The following HS3ST4 variants were observed in gnomAD, a reference collection of about 807,000 sequenced individuals.
HS3ST4 encodes heparan sulfate glucosamine 3-O-sulfotransferase 4.
Under a neutral mutation model 29.2 loss-of-function variants are expected in HS3ST4, and 17 were observed. The observed-to-expected ratio is 0.58, with a 90% CI of 0.40 to 0.87. The LOEUF (loss-of-function observed/expected upper bound fraction) is 0.87. HS3ST4 is among the 40% of genes least tolerant of loss of function. The pLI is 0.00. For missense variants in HS3ST4, 627 were observed against 634.5 expected, an observed-to-expected ratio of 0.99 and a Z score of 0.13; for synonymous variants, 314 against 285.7, an observed-to-expected ratio of 1.10 and a Z score of -1.00.
intron 1 of HS3ST4, among the ~76,000 whole-genome samples, chr16:25,710,663 G>GT (rs1294430902): frequency 1.3e-5 from 2 of 151,680 alleles, no homozygotes; most frequent in Non-Finnish European, 2.9e-5. Flanking sequence ...TCTTTTCCTG[G>GT]TTTCTTGCTA....
intron 1 of HS3ST4, among the ~76,000 whole-genome samples, chr16:25,845,020 G>A (rs1967450065): frequency 6.6e-6 from 1 of 152,054 alleles, no homozygotes; most frequent in Admixed American, 6.6e-5. Flanking sequence ...ACACAGGGAG[G>A]GGAACATCAT....
At chr16:26,004,685 G>T (rs1374391833) in intron 1 of HS3ST4, among the ~76,000 whole-genome samples, 1 of 152,136 alleles carries the variant, frequency 6.6e-6, no homozygotes, top group Non-Finnish European at 1.5e-5. Flanking sequence ...GTCTTCACTG[G>T]GGCTCAGTTT....
At chr16:25,886,190 G>A (rs1034872131) in intron 1 of HS3ST4, among the ~76,000 whole-genome samples, 1 of 151,908 alleles carries the variant, frequency 6.6e-6, no homozygotes, top group African/African-American at 2.4e-5. Context: ...GTGCCACCAT[G>A]CCTGGCTAAT....
At chr16:25,896,584 G>C (rs1388357319) in intron 1 of HS3ST4, among the ~76,000 whole-genome samples, 2 of 152,170 alleles carry the variant, frequency 1.3e-5, no homozygotes, top group Non-Finnish European at 2.9e-5. Flanking sequence ...GTGGAGAGGG[G>C]AGATTTCTCA....
intron 1 of HS3ST4, among the ~76,000 whole-genome samples, chr16:26,062,384 G>T (rs1254724746): frequency 1.3e-5 from 2 of 152,182 alleles, no homozygotes; most frequent in African/African-American, 4.8e-5. Flanking sequence ...GGCACATTAA[G>T]CTTTAATCAA....
rs1969387182 is a variant in HS3ST4 at position 26,019,105 on chromosome 16, A to C, written c.735-116507A>C. On this transcript the variant is annotated intron_variant, in intron 1 of 1. Coordinates refer to ENST00000331351, the MANE Select transcript of HS3ST4 (RefSeq NM_006040.3). ...AAAAACATCATATTCCCGTCCTGCAAGTGGATGCTGCCAGTTACTCGTCTT... is the reference window on the plus strand; with the variant it reads ...AAAAACATCATATTCCCGTCCTGCACGTGGATGCTGCCAGTTACTCGTCTT... 2.0e-5 allele frequency among the ~76,000 whole-genome samples: 3 copies of C among 152,178 alleles called. No homozygotes were observed. The East Asian group carries it at 5.8e-4, about 30-fold the overall frequency.
At chr16:26,032,863 GGC>G in intron 1 of HS3ST4, 4 of 1,546,436 alleles carry the variant, frequency 2.6e-6, no homozygotes, top group Non-Finnish European at 3.5e-6. Flanking sequence ...GGGATGCAGT[GGC>G]GCGCGGGCTT....
At chr16:25,716,291 G>C (rs904317396) in intron 1 of HS3ST4, among the ~76,000 whole-genome samples, 39 of 152,156 alleles carry the variant, frequency 2.6e-4, no homozygotes, top group African/African-American at 8.0e-4. Flanking sequence ...ATTTTTCTTG[G>C]GCACCTGACA....
intron 1 of HS3ST4, among the ~76,000 whole-genome samples, chr16:25,809,704 T>G (rs1967023024): frequency 6.6e-6 from 1 of 152,140 alleles, no homozygotes; most frequent in Non-Finnish European, 1.5e-5. Flanking sequence ...TATTCAATTT[T>G]TTTGTTTCAT....
intron 1 of HS3ST4, among the ~76,000 whole-genome samples, chr16:25,912,249 C>G (rs574739266): frequency 6.6e-6 from 1 of 152,310 alleles, no homozygotes; most frequent in South Asian, 2.1e-4. Context: ...CTTGCTCACT[C>G]TTGTCCCCGG....
chr16:26,022,974 G>A (rs574134720), intron 1 of HS3ST4, among the ~76,000 whole-genome samples: 1 of 152,168 alleles, frequency 6.6e-6, no homozygotes, highest in South Asian at 2.1e-4. Flanking sequence ...TCCAGGAGGC[G>A]GAGGTTGCAA....
intron 1 of HS3ST4, among the ~76,000 whole-genome samples, chr16:26,059,935 G>A (rs1181530713): frequency 6.6e-6 from 1 of 151,840 alleles, no homozygotes; most frequent in African/African-American, 2.4e-5. Context: ...CTGCCACCAC[G>A]CCCAGCTAAT....
intron 1 of HS3ST4, among the ~76,000 whole-genome samples, chr16:25,703,027 T>C (rs577874936): frequency 6.6e-6 from 1 of 152,068 alleles, no homozygotes; most frequent in Admixed American, 6.5e-5. Flanking sequence ...GGCATGGTGA[T>C]GCGTGCCTGT....
intron 1 of HS3ST4, among the ~76,000 whole-genome samples, chr16:26,079,386 T>G (rs966220306): frequency 3.3e-5 from 5 of 152,220 alleles, no homozygotes; most frequent in African/African-American, 1.2e-4. Context: ...CAAGCTTGTA[T>G]TCTTGAATAC....
At chr16:26,022,905 G>A in intron 1 of HS3ST4, among the ~76,000 whole-genome samples, 1 of 152,100 alleles carries the variant, frequency 6.6e-6, no homozygotes, top group Non-Finnish European at 1.5e-5. Context: ...AGCTGGGTGT[G>A]GTGGCGCATG....
chr16:25,871,604 G>A (rs1402016605), intron 1 of HS3ST4, among the ~76,000 whole-genome samples: 1 of 152,082 alleles, frequency 6.6e-6, no homozygotes, highest in Non-Finnish European at 1.5e-5. Context: ...TTATAAAGTA[G>A]CAACTATTAT....
intron 1 of HS3ST4, among the ~76,000 whole-genome samples, chr16:25,778,613 G>T (rs1417544930): frequency 1.3e-5 from 2 of 152,162 alleles, no homozygotes; most frequent in African/African-American, 4.8e-5. Context: ...TTTGAATAGA[G>T]CAGCTGACCC....
intron 1 of HS3ST4, among the ~76,000 whole-genome samples, chr16:26,118,331 T>G (rs1899225913): frequency 6.6e-6 from 1 of 152,202 alleles, no homozygotes; most frequent in Non-Finnish European, 1.5e-5. Flanking sequence ...CCTTCTGCCT[T>G]GGACTCCCAA....
At chr16:25,895,116 G>A (rs1436853448) in intron 1 of HS3ST4, among the ~76,000 whole-genome samples, 1 of 149,760 alleles carries the variant, frequency 6.7e-6, no homozygotes, top group Admixed American at 6.7e-5. Flanking sequence ...AGGGCTGAGA[G>A]GGAAGGGTAG....
Sources: allele counts gnomAD v4.1 joint callset (sites outside exome capture counted in the v4.1 genomes callset), GRCh38; gene constraint gnomAD v4.1.1; transcripts MANE v1.5; gene names NCBI Gene and HGNC (gene_info 2026-07-23, HGNC 2026-07-21).